SMC1A: variants seen among roughly 807,000 people sequenced by gnomAD.
SMC1A encodes the protein structural maintenance of chromosomes protein 1A.
A neutral mutation model predicts 94.5 loss-of-function variants in SMC1A; 4 were observed. The ratio of observed to expected loss-of-function variants is 0.04; its 90% CI spans 0.02 to 0.10. SMC1A has a LOEUF of 0.10. Ranked by LOEUF, SMC1A falls within the 10% of genes least tolerant of loss-of-function variation. The pLI, the probability that SMC1A is intolerant of heterozygous loss-of-function variation, is 1.00. For synonymous variants in SMC1A, 345 were observed against 347.7 expected (o/e 0.99, Z 0.09); for missense variants, 304 against 989.0 (o/e 0.31, Z 9.29).
chrX:53,404,988 A>T, intron 13 of SMC1A, 24 bp downstream of exon 13: 1 of 1,187,057 alleles, frequency 8.4e-7, no homozygotes, highest in Non-Finnish European at 1.1e-6. Flanking sequence ...CCTTTGGAGA[A>T]CAGGGCTGAA....
chrX:53,392,396 A>C (rs2075633073), intron 19 of SMC1A, among the ~76,000 whole-genome samples: 1 of 109,859 alleles, frequency 9.1e-6, no homozygotes, highest in Non-Finnish European at 1.9e-5. Context: ...TCTCAAAAAA[A>C]AAAAACAAAA....
At chrX:53,402,993 C>T (rs910969372) in intron 15 of SMC1A, among the ~76,000 whole-genome samples, 6 of 99,867 alleles carry the variant, frequency 6.0e-5, no homozygotes, top group Non-Finnish European at 1.2e-4. Flanking sequence ...TGTGGCAAAA[C>T]CCCATCTCTA....
intron 19 of SMC1A, among the ~76,000 whole-genome samples, chrX:53,386,524 A>G (rs1435324361): frequency 8.9e-6 from 1 of 111,930 alleles, no homozygotes; most frequent in African/African-American, 3.2e-5. Context: ...AGTATGCTGA[A>G]GTATTTAGGG....
intron 9 of SMC1A, among the ~76,000 whole-genome samples, chrX:53,408,318 G>A (rs372437903): frequency 9.0e-6 from 1 of 111,369 alleles, no homozygotes; most frequent in African/African-American, 3.3e-5. Context: ...GCGACAGAGC[G>A]AGACTCCATC....
At chrX:53,407,310 C>T (rs2075694928) in intron 9 of SMC1A, among the ~76,000 whole-genome samples, 2 of 111,601 alleles carry the variant, frequency 1.8e-5, no homozygotes, top group South Asian at 7.5e-4. Flanking sequence ...TTGAACTGAT[C>T]ACCGATGGCT....
chrX:53,410,926 CAA>C (rs56669032), intron 7 of SMC1A, among the ~76,000 whole-genome samples: 6 of 28,815 alleles, frequency 2.1e-4, no homozygotes, highest in African/African-American at 9.3e-4. Context: ...GGCTTTGTCT[CAA>C]AAAAAAAAAA....
At chrX:53,408,045 C>A (rs2146601578) in intron 9 of SMC1A, among the ~76,000 whole-genome samples, 1 of 111,727 alleles carries the variant, frequency 9.0e-6, no homozygotes, top group African/African-American at 3.2e-5. Context: ...CAAAATAAAT[C>A]TGGCTGGGCG....
chrX:53,409,019 T>G, intron 9 of SMC1A, 43 bp downstream of exon 9: 68 of 1,132,577 alleles, frequency 6.0e-5, no homozygotes, highest in Non-Finnish European at 7.6e-5. Context: ...CGTGTGACAG[T>G]GAGTGTAAGT....
intron 19 of SMC1A, among the ~76,000 whole-genome samples, chrX:53,390,370 C>A (rs2075623295): frequency 9.2e-6 from 1 of 108,279 alleles, no homozygotes; most frequent in African/African-American, 3.4e-5. Context: ...CGCCTGTAAT[C>A]CCAGCTACTT....
At chrX:53,413,867 A>G (rs1556890905) in intron 3 of SMC1A, among the ~76,000 whole-genome samples, 1 of 111,017 alleles carries the variant, frequency 9.0e-6, no homozygotes, top group East Asian at 2.8e-4. Context: ...ACCTGAGATC[A>G]GGAGTTCAAG....
intron 23 of SMC1A, 90 bp from the exon 24 acceptor site, chrX:53,380,820 G>A: frequency 4.2e-6 from 3 of 710,394 alleles, no homozygotes; most frequent in South Asian, 2.2e-5. Flanking sequence ...AGAAGAGGTA[G>A]GGTAGGGAGA....
rs193071714 is a variant in SMC1A, at chrX:53,385,431, C to T, written c.2974-2178G>A. On this transcript the variant is annotated intron_variant, in intron 19 of 24. Transcript: ENST00000322213. ...GACTACAGGAACCCGCCACCATGCC[C>T]GGCTAATTTTTTTTTTGTATTTTTA... is the stretch of plus-strand genomic sequence containing the variant. Among the ~76,000 whole-genome samples the T allele has an allele frequency of 3.7e-3, 397 of 107,885 alleles. 1 individual carries two copies. Among genetic ancestry groups the T allele is most frequent in the African/African-American group, 0.013 (378 of 29,502 alleles). 93.7% of individuals were successfully genotyped at this position (107,885 alleles called of 115,157 possible). A position where few individuals can be genotyped will look rare whatever the true frequency, so the allele number is the denominator to read the frequency against.
Position 53,407,930 on chromosome X carries a change from A to G in SMC1A, c.1545+1132T>C, listed in dbSNP as rs138788167. ...TTCAGGCAGTCGTGTCTGAATCCAG[A>G]ATCATCTTTCTAAACCTCACATCTA... is the stretch of plus-strand genomic sequence containing the variant. On this transcript the variant is annotated intron_variant, in intron 9 of 24. Coordinates refer to ENST00000322213, the MANE Select transcript of SMC1A (RefSeq NM_006306.4). Among the ~76,000 whole-genome samples, 338 of 111,794 alleles carry G rather than the reference A, an allele frequency of 3.0e-3. 2 individuals are homozygous for G. The highest frequency in any genetic ancestry group is 0.01 in the African/African-American group (323 of 30,802).
chrX:53,393,643 A>G (rs781830652), intron 19 of SMC1A, among the ~76,000 whole-genome samples: 1 of 111,353 alleles, frequency 9.0e-6, no homozygotes, highest in South Asian at 3.8e-4. Context: ...GGGTATAAAA[A>G]ATAAGATTGC....
intron 19 of SMC1A, among the ~76,000 whole-genome samples, chrX:53,384,596 C>CA (rs1206721641): frequency 2.7e-5 from 3 of 110,316 alleles, no homozygotes; most frequent in Non-Finnish European, 5.7e-5. Flanking sequence ...GGGAGCATCA[C>CA]AAAAAAATAG....
chrX:53,403,732 G>A (rs782414823), intron 14 of SMC1A, 45 bp downstream of exon 14: 1 of 1,175,409 alleles, frequency 8.5e-7, no homozygotes, highest in Non-Finnish European at 1.2e-6. Context: ...TCCAGTCCCA[G>A]TCCTGCCCTG....
intron 15 of SMC1A, among the ~76,000 whole-genome samples, chrX:53,403,023 A>G (rs973747157): frequency 9.0e-5 from 9 of 99,866 alleles, no homozygotes; most frequent in Non-Finnish European, 1.6e-4. Flanking sequence ...CAACAACAAA[A>G]AACAAAAAAA....
rs781974886 is a variant in SMC1A, at chrX:53,378,157, GTAT to G, written c.*1943_*1945del. ...AATAGTACAGGAGGGCAATTTGGAA[GTAT>G]TATTAAAAACCAATATATAAATATC... is the stretch of plus-strand genomic sequence containing the variant. On this transcript the variant is annotated 3_prime_UTR_variant, in exon 25 of 25. Coordinates refer to ENST00000322213, the MANE Select transcript of SMC1A (RefSeq NM_006306.4). 1 of 111,721 alleles carries G rather than the reference GTAT, an allele frequency of 9.0e-6. No individual in the cohort carries two copies. Among genetic ancestry groups the G allele is most frequent in the African/African-American group, 3.3e-5 (1 of 30,704 alleles). 9.2% of individuals were successfully genotyped at this position (111,721 alleles called of 1,213,427 possible).
chrX:53,411,047 G>A (rs1157123837), intron 7 of SMC1A, among the ~76,000 whole-genome samples: 1 of 107,644 alleles, frequency 9.3e-6, no homozygotes, highest in Non-Finnish European at 1.9e-5. Flanking sequence ...GTGAGCCATG[G>A]TCGCACCACT....
Sources: allele counts gnomAD v4.1 joint callset (sites outside exome capture counted in the v4.1 genomes callset), GRCh38; gene constraint gnomAD v4.1.1; transcripts MANE v1.5; gene names NCBI Gene and HGNC (gene_info 2026-07-23, HGNC 2026-07-21).